Variants in PITPNM2 observed in about 807,000 individuals in gnomAD.
PITPNM2 encodes the protein phosphatidylinositol transfer protein membrane associated 2.
Under a neutral mutation model 132.2 loss-of-function variants are expected in PITPNM2, and 35 were observed. The ratio of observed to expected loss-of-function variants is 0.26; its 90% CI spans 0.20 to 0.35. The LOEUF is 0.35. Ranked by LOEUF, PITPNM2 falls within the 10% of genes least tolerant of loss-of-function variation. The probability of loss-of-function intolerance (pLI) is 1.00; values close to 1 mark genes in which losing one functional copy is unlikely to be tolerated. For missense variants in PITPNM2, 1,332 were observed against 1,912.0 expected, an observed-to-expected ratio of 0.70 and a Z score of 5.66; for synonymous variants, 738 against 799.2, an observed-to-expected ratio of 0.92 and a Z score of 1.29.
intron 1 of PITPNM2, among the ~76,000 whole-genome samples, chr12:123,142,829 C>T (rs1183908613): frequency 6.6e-6 from 1 of 151,906 alleles, no homozygotes; most frequent in Non-Finnish European, 1.5e-5. Flanking sequence ...GTGTGATTAC[C>T]CACATGGGAA....
At position 123,034,580 on chromosome 12, in the gene PITPNM2, T is replaced by G. The variant is rs201358428; in HGVS notation, c.11A>C (p.Lys4Thr). 1 of 1,614,158 alleles carries G rather than the reference T, an allele frequency of 6.2e-7. No homozygotes were observed. Among genetic ancestry groups the G allele is most frequent in the Non-Finnish European group, 8.5e-7 (1 of 1,179,988 alleles). Residue 4 changes from lysine to threonine, a missense_variant, in exon 3 of 26, where the codon AAG (lysine) becomes ACG (threonine). Coordinates refer to ENST00000320201, the MANE Select transcript of PITPNM2 (RefSeq NM_020845.3). Reference protein sequence around the residue: MIIKEYRIPLPMTV... With the variant: MIITEYRIPLPMTV... ...CATTGGCAGAGGAATCCGATATTCCTTTATAATCATCTTGGAGTCCAAGCC... is the reference window on the plus strand; with the variant it reads ...CATTGGCAGAGGAATCCGATATTCCGTTATAATCATCTTGGAGTCCAAGCC...
intron 3 of PITPNM2, among the ~76,000 whole-genome samples, chr12:123,033,635 G>T (rs966578172): frequency 2.0e-5 from 3 of 152,200 alleles, no homozygotes; most frequent in African/African-American, 4.8e-5. Flanking sequence ...CAGGCCCTGT[G>T]CTCCTTGGCA....
rs143109172 is a variant in PITPNM2 at position 123,104,718 on chromosome 12, A to G, written c.-96+5667T>C. On this transcript the variant is annotated intron_variant, in intron 2 of 25. Coordinates refer to ENST00000320201, the MANE Select transcript of PITPNM2 (RefSeq NM_020845.3). ...CTTCGCTGACTCTCTTTTCTGATTC[A>G]GCCCGCCTGCACCCAGGTGATTAAA... Among the ~76,000 whole-genome samples, 1,415 of 152,148 alleles carry G rather than the reference A, an allele frequency of 9.3e-3. 23 individuals carry two copies. Among genetic ancestry groups the G allele is most frequent in the African/African-American group, 0.032 (1,326 of 41,484 alleles).
At chr12:123,137,397 CAGA>C (rs1300349530) in intron 1 of PITPNM2, among the ~76,000 whole-genome samples, 8 of 152,134 alleles carry the variant, frequency 5.3e-5, no homozygotes, top group Non-Finnish European at 2.9e-5. Context: ...CCGAGGTGGG[CAGA>C]AGAAGGCTGT....
At chr12:123,075,305 T>G (rs990155955) in intron 2 of PITPNM2, among the ~76,000 whole-genome samples, 3 of 152,236 alleles carry the variant, frequency 2.0e-5, no homozygotes, top group Non-Finnish European at 2.9e-5. Context: ...ACCAACAGAC[T>G]TTTTCAAAGC....
intron 2 of PITPNM2, among the ~76,000 whole-genome samples, chr12:123,109,046 TA>T (rs994225330): frequency 3.3e-5 from 5 of 152,132 alleles, no homozygotes; most frequent in African/African-American, 1.2e-4. Flanking sequence ...GCTTCCTGTG[TA>T]AAAAGGGACC....
In PITPNM2 at chr12:123,150,271, C is replaced by T. The variant is rs1203923137; in HGVS notation, c.-200+482G>A. ...GATGGAGACGGGCCACACCCCAACC[C>T]TGGGCCCCCGACAAGCAGAGGCCAC... On this transcript the variant is annotated intron_variant, in intron 1 of 25. Coordinates refer to ENST00000320201, the MANE Select transcript of PITPNM2 (RefSeq NM_020845.3). The surrounding 1 kb of genome is among the most constrained non-coding windows in gnomAD (Gnocchi z 6.0). 6.6e-6 allele frequency among the ~76,000 whole-genome samples: 1 copy of T among 151,850 alleles called. No homozygotes were observed. Among genetic ancestry groups the T allele is most frequent in the African/African-American group, 2.4e-5 (1 of 41,424 alleles).
intron 2 of PITPNM2, chr12:123,087,168 G>A (rs1257384866): frequency 6.6e-6 from 1 of 152,204 alleles, no homozygotes; most frequent in Non-Finnish European, 1.5e-5. Context: ...GAGACTCTGT[G>A]TACCCTGTTG....
At position 123,058,873 on chromosome 12, in the gene PITPNM2, C is replaced by T. The variant is rs923022241; in HGVS notation, c.-95-24188G>A. Among the ~76,000 whole-genome samples, 2 of 152,168 alleles carry T rather than the reference C, an allele frequency of 1.3e-5. No homozygotes were observed. Among genetic ancestry groups the T allele is most frequent in the Non-Finnish European group, 2.9e-5 (2 of 68,026 alleles). Reference sequence around the variant, plus strand: ...ACAGCACTCACTCTGAGAAGCCCTCCGAGACTACTCTGGGCAAAGCTGAGT... The same window carrying T: ...ACAGCACTCACTCTGAGAAGCCCTCTGAGACTACTCTGGGCAAAGCTGAGT... On this transcript the variant is annotated intron_variant, in intron 2 of 25. Coordinates refer to ENST00000320201, the MANE Select transcript of PITPNM2 (RefSeq NM_020845.3). The surrounding 1 kb of genome is among the most constrained non-coding windows in gnomAD (Gnocchi z 4.0).
At chr12:123,081,310 C>T (rs532340884) in intron 2 of PITPNM2, 1 of 152,428 alleles carries the variant, frequency 6.6e-6, no homozygotes, top group Admixed American at 6.5e-5. Context: ...TCTGGAACTG[C>T]AGGCCTCTCC....
chr12:123,020,716 G>A (rs1257854294), intron 3 of PITPNM2, among the ~76,000 whole-genome samples: 6 of 152,020 alleles, frequency 3.9e-5, no homozygotes, highest in African/African-American at 7.2e-5. Context: ...GGGAGAGGCC[G>A]GGCTGCAGTT....
rs1409409169 is a variant in PITPNM2, at chr12:123,004,202, ACCT to A, written c.1048+189_1048+191del. Among the ~76,000 whole-genome samples, 1 of 152,024 alleles carries A rather than the reference ACCT, an allele frequency of 6.6e-6. No homozygotes were observed. Among genetic ancestry groups the A allele is most frequent in the Non-Finnish European group, 1.5e-5 (1 of 68,006 alleles). On this transcript the variant is annotated intron_variant, in intron 8 of 25. Coordinates refer to ENST00000320201, the MANE Select transcript of PITPNM2 (RefSeq NM_020845.3). The surrounding 1 kb of genome is among the most constrained non-coding windows in gnomAD (Gnocchi z 4.9). ...ACCCCAGACTCAAGGGAACAAGATG[ACCT>A]CATCTCATCCTCTGTGCACTGCCCC...
intron 2 of PITPNM2, among the ~76,000 whole-genome samples, chr12:123,053,409 AAC>A (rs2040924322): frequency 6.6e-6 from 1 of 152,178 alleles, no homozygotes; most frequent in African/African-American, 2.4e-5. Flanking sequence ...CATTTAAACT[AAC>A]AGTTATTTAG....
intron 1 of PITPNM2, among the ~76,000 whole-genome samples, chr12:123,128,579 C>T (rs1457636077): frequency 2.0e-5 from 3 of 151,484 alleles, no homozygotes; most frequent in African/African-American, 7.3e-5. Flanking sequence ...TGTTGAAACC[C>T]CGCCTCTACT....
chr12:123,100,817 C>CA (rs1241546012), intron 2 of PITPNM2, among the ~76,000 whole-genome samples: 6 of 152,332 alleles, frequency 3.9e-5, no homozygotes, highest in African/African-American at 1.4e-4. Context: ...GAGACCCAGT[C>CA]AGACTCACCT....
intron 2 of PITPNM2, among the ~76,000 whole-genome samples, chr12:123,049,373 C>T (rs2040784278): frequency 6.6e-6 from 1 of 152,202 alleles, no homozygotes; most frequent in Non-Finnish European, 1.5e-5. Flanking sequence ...AGTTTACTTC[C>T]AGCTTCCAGG....
At position 123,111,932 on chromosome 12, in the gene PITPNM2, G is replaced by A. The variant is rs2042844897; in HGVS notation, c.-199-1444C>T. Among the ~76,000 whole-genome samples the A allele has an allele frequency of 1.3e-5, 2 of 152,198 alleles. No homozygotes were observed. The highest frequency in any genetic ancestry group is 2.9e-5 in the Non-Finnish European group (2 of 68,024). Reference sequence around the variant, plus strand: ...TGTTCGAGGTGAGGAAAGCTGTTGAGAGGGTTGAGGGTTTGCCATGGTAAC... The same window carrying A: ...TGTTCGAGGTGAGGAAAGCTGTTGAAAGGGTTGAGGGTTTGCCATGGTAAC... On this transcript the variant is annotated intron_variant, in intron 1 of 25. Transcript: ENST00000320201. The surrounding 1 kb of genome is among the most constrained non-coding windows in gnomAD (Gnocchi z 4.1).
intron 13 of PITPNM2, 96 bp from the exon 14 acceptor site, chr12:122,995,756 C>T: frequency 7.0e-7 from 1 of 1,433,048 alleles, no homozygotes; most frequent in Non-Finnish European, 9.2e-7. Flanking sequence ...TAACCCCAGG[C>T]CAAGCGGCCA....
intron 3 of PITPNM2, chr12:123,021,685 A>G: frequency 1.0e-6 from 1 of 985,356 alleles, no homozygotes; most frequent in South Asian, 4.7e-5. Flanking sequence ...GTTTACCTTC[A>G]GCTATCAGGG....
Sources: gnomAD v4.1 joint callset for allele counts (sites outside exome capture counted in the v4.1 genomes callset) on GRCh38, gnomAD v4.1.1 for gene constraint, Gnocchi (gnomAD v3.1) non-coding constraint, MANE v1.5 for transcripts, NCBI Gene and HGNC (gene_info 2026-07-23, HGNC 2026-07-21) for gene names.